The following RBAK variants were observed in gnomAD, a reference collection of about 807,000 sequenced individuals.
RBAK encodes the protein RB-associated KRAB zinc finger protein.
In RBAK, 39 loss-of-function variants were observed where a neutral mutation model predicts 65.8. The ratio of observed to expected loss-of-function variants is 0.59; its 90% confidence interval spans 0.46 to 0.77. The LOEUF (loss-of-function observed/expected upper bound fraction) is 0.77. RBAK is among the 30% of genes least tolerant of loss of function. The probability of loss-of-function intolerance (pLI) is 0.00; values close to 1 mark genes in which losing one functional copy is unlikely to be tolerated. For synonymous variants in RBAK, 343 were observed against 289.7 expected, an observed-to-expected ratio of 1.18 and a Z score of -1.87; for missense variants, 884 against 855.1, an observed-to-expected ratio of 1.03 and a Z score of -0.42.
In RBAK at chr7:5,065,635, T is replaced by C. The variant is rs1309806277; in HGVS notation, c.*34T>C. The C allele has an allele frequency of 7.1e-7, 1 of 1,405,742 alleles. No homozygotes were observed. The highest frequency in any genetic ancestry group is 9.6e-7 in the Non-Finnish European group (1 of 1,046,224). 87.1% of individuals were successfully genotyped at this position (1,405,742 alleles called of 1,614,324 possible). ...CTCAATTTTTAGAAAACTCTCTGAA[T>C]ATAATGAATATGGGGAATCCAATAG... is the stretch of plus-strand genomic sequence containing the variant. On this transcript the variant is annotated 3_prime_UTR_variant, in exon 5 of 5. Coordinates refer to ENST00000396912, the MANE Select transcript of RBAK (RefSeq NM_021163.4). This position sits in a 1 kb window ranked among gnomAD's most constrained non-coding sequence, Gnocchi z 5.3.
Position 5,068,692 on chromosome 7 carries a change from C to A in RBAK, c.*3091C>A, listed in dbSNP as rs546132884. 1.3e-5 allele frequency: 2 copies of A among 152,244 alleles called. No homozygotes were observed. The highest frequency in any genetic ancestry group is 3.9e-4 in the East Asian group (2 of 5,182). 9.4% of individuals were successfully genotyped at this position (152,244 alleles called of 1,614,324 possible). ...CATATGTATACTGTTTTACCCAAAC[C>A]CAGCAAAAATGCATGTGTCTGTCCA... On this transcript the variant is annotated 3_prime_UTR_variant, in exon 5 of 5. Transcript: ENST00000396912.
rs1310497851 is a variant in RBAK at position 5,046,334 on chromosome 7, C to A, written c.-107C>A. On this transcript the variant is annotated 5_prime_UTR_variant, in exon 1 of 5. Coordinates refer to ENST00000396912, the MANE Select transcript of RBAK (RefSeq NM_021163.4). ...GACCTCGCGAGCAGACGCGCGCCAG[C>A]GACAGCAGCCCCGCCCCGGCCTCTC... 1.2e-5 allele frequency: 6 copies of A among 515,268 alleles called. No individual in the cohort carries two copies. The highest frequency in any genetic ancestry group is 1.9e-5 in the Non-Finnish European group (5 of 259,196). 31.9% of individuals were successfully genotyped at this position (515,268 alleles called of 1,614,324 possible). A position where few individuals can be genotyped will look rare whatever the true frequency, so the allele number is the denominator to read the frequency against.
intron 3 of RBAK, 39 bp downstream of exon 3, chr7:5,057,460 G>A (rs1778956921): frequency 6.2e-7 from 1 of 1,613,898 alleles, no homozygotes; most frequent in South Asian, 1.1e-5. Context: ...TCAGTTGAAT[G>A]GGGTTTTATC....
intron 2 of RBAK, among the ~76,000 whole-genome samples, chr7:5,055,341 T>C (rs1788205452): frequency 6.6e-6 from 1 of 152,100 alleles, no homozygotes; most frequent in Non-Finnish European, 1.5e-5. Context: ...GAAATACATA[T>C]GTCACATATA....
At position 5,048,258 on chromosome 7, in the gene RBAK, C is replaced by T. The variant is rs1788039236; in HGVS notation, c.15+167C>T. Among the ~76,000 whole-genome samples the T allele has an allele frequency of 6.6e-6, 1 of 151,946 alleles. No homozygotes were observed. The highest frequency in any genetic ancestry group is 1.5e-5 in the Non-Finnish European group (1 of 67,988). ...CATGATCTCGCTTCACTGCAACCTCCACCTCCTGGGTTCAAGCGATTCTCC... is the reference window on the plus strand; with the variant it reads ...CATGATCTCGCTTCACTGCAACCTCTACCTCCTGGGTTCAAGCGATTCTCC... On this transcript the variant is annotated intron_variant, in intron 2 of 4. Transcript: ENST00000396912. The surrounding 1 kb of genome is among the most constrained non-coding windows in gnomAD (Gnocchi z 4.4).
intron 2 of RBAK, among the ~76,000 whole-genome samples, chr7:5,052,351 G>A (rs1788134335): frequency 6.6e-6 from 1 of 152,154 alleles, no homozygotes; most frequent in African/African-American, 2.4e-5. Context: ...TACATGTAAT[G>A]TAATTATTGA....
intron 4 of RBAK, among the ~76,000 whole-genome samples, chr7:5,058,918 C>G (rs1330289928): frequency 1.3e-5 from 2 of 152,174 alleles, no homozygotes; most frequent in South Asian, 2.1e-4. Context: ...CAAATTGATA[C>G]GTCTGACACT....
rs765413482 is a variant in RBAK at position 5,064,824 on chromosome 7, C to G, written c.1368C>G (p.Pro456=). The G allele has an allele frequency of 6.2e-7, 1 of 1,614,038 alleles. No homozygotes were observed. The highest frequency in any genetic ancestry group is 8.5e-7 in the Non-Finnish European group (1 of 1,179,944). Residue 456 remains proline, a synonymous_variant, in exon 5 of 5, where the codon CCC becomes CCG. Coordinates refer to ENST00000396912, the MANE Select transcript of RBAK (RefSeq NM_021163.4). The surrounding 1 kb of genome is among the most constrained non-coding windows in gnomAD (Gnocchi z 6.3). ...ATAGAAGTCATTTAGAAGAGAAACC[C>G]TATGAATGTAATGAATGTGGCAAAA... ...IHYRSHLEEK[P]YECNECGKTF... is the part of the protein sequence containing the mutation.
chr7:5,059,043 C>G (rs1045693557), intron 4 of RBAK, among the ~76,000 whole-genome samples: 1 of 152,224 alleles, frequency 6.6e-6, no homozygotes, highest in African/African-American at 2.4e-5. Context: ...ATTCCAAAAT[C>G]ATGAATTCTG....
chr7:5,062,579 T>G (rs1779103431), intron 4 of RBAK, among the ~76,000 whole-genome samples: 1 of 152,198 alleles, frequency 6.6e-6, no homozygotes, highest in African/African-American at 2.4e-5. Context: ...CCATTGTCAT[T>G]GATAACATCT....
intron 2 of RBAK, among the ~76,000 whole-genome samples, chr7:5,056,305 A>G (rs1174733689): frequency 6.6e-6 from 1 of 151,084 alleles, no homozygotes; most frequent in Non-Finnish European, 1.5e-5. Context: ...TTTAGCAGAG[A>G]TGAGGTCTTA....
intron 2 of RBAK, among the ~76,000 whole-genome samples, chr7:5,054,928 A>G (rs1788192236): frequency 6.6e-6 from 1 of 151,996 alleles, no homozygotes; most frequent in Non-Finnish European, 1.5e-5. Flanking sequence ...GACCTTAATA[A>G]TACAACTAAT....
rs61735209 is a variant in RBAK, at chr7:5,065,484, G to T, written c.2028G>T (p.Glu676Asp). Reference sequence around the variant, plus strand: ...TACACTATAGAACTCATTCAGGAGAGAAACCCTATGAATGTAACGAGTGTG... The same window carrying T: ...TACACTATAGAACTCATTCAGGAGATAAACCCTATGAATGTAACGAGTGTG... ...LTVHYRTHSG[E>D]KPYECNECGK... Residue 676 changes from glutamate to aspartate, a missense_variant, in exon 5 of 5, where the codon GAG becomes GAT. By Grantham distance (45) the Glu-to-Asp change is conservative (BLOSUM62 2). Coordinates refer to ENST00000396912, the MANE Select transcript of RBAK (RefSeq NM_021163.4). The surrounding 1 kb of genome is among the most constrained non-coding windows in gnomAD (Gnocchi z 5.3). The T allele has an allele frequency of 1.9e-6, 3 of 1,606,536 alleles. No individual in the cohort carries two copies. The South Asian group carries it at 3.3e-5, about 18-fold the overall frequency.
Position 5,064,727 on chromosome 7 carries a change from C to T in RBAK, c.1271C>T (p.Thr424Met), listed in dbSNP as rs549250763. 8.7e-6 allele frequency: 14 copies of T among 1,613,230 alleles called. No individual in the cohort carries two copies. Among genetic ancestry groups the T allele is most frequent in the African/African-American group, 5.3e-5 (4 of 75,022 alleles). Reference protein sequence around the residue: ...STLITHQRTHTGEKPYQCSEC... With the variant: ...STLITHQRTHMGEKPYQCSEC... ...CTGATTACACATCAGAGAACACACA[C>T]GGGAGAGAAGCCCTATCAGTGTAGC... Residue 424 changes from threonine to methionine, a missense_variant, in exon 5 of 5, where the codon ACG becomes ATG. Transcript: ENST00000396912. This position sits in a 1 kb window ranked among gnomAD's most constrained non-coding sequence, Gnocchi z 6.3.
intron 2 of RBAK, among the ~76,000 whole-genome samples, chr7:5,054,026 C>T (rs967228704): frequency 2.0e-5 from 3 of 152,312 alleles, no homozygotes; most frequent in Middle Eastern, 3.4e-3. Flanking sequence ...GGCCTGGAAA[C>T]ACTCAAGGCA....
At chr7:5,063,252 C>A (rs1316771884) in intron 4 of RBAK, among the ~76,000 whole-genome samples, 1 of 152,214 alleles carries the variant, frequency 6.6e-6, no homozygotes, top group Non-Finnish European at 1.5e-5. Context: ...TTCAGCCAGT[C>A]CCTCCGTTTG....
At chr7:5,063,479 G>A (rs1249399736) in intron 4 of RBAK, among the ~76,000 whole-genome samples, 7 of 87,668 alleles carry the variant, frequency 8.0e-5, no homozygotes, top group East Asian at 2.3e-4. Context: ...TTCTTTCACT[G>A]TGTGTGTGTG....
intron 4 of RBAK, among the ~76,000 whole-genome samples, chr7:5,060,494 C>T (rs1378730939): frequency 6.6e-6 from 1 of 152,166 alleles, no homozygotes; most frequent in Non-Finnish European, 1.5e-5. Flanking sequence ...ATTTATACTC[C>T]AATGCACATT....
At chr7:5,051,713 T>TTA (rs1357832545) in intron 2 of RBAK, among the ~76,000 whole-genome samples, 3 of 152,186 alleles carry the variant, frequency 2.0e-5, no homozygotes, top group Admixed American at 1.3e-4. Flanking sequence ...ATAGAAGTCT[T>TTA]TAAATTTAGG....
Sources: gnomAD v4.1 joint callset for allele counts (sites outside exome capture counted in the v4.1 genomes callset) on GRCh38, gnomAD v4.1.1 for gene constraint, Gnocchi (gnomAD v3.1) non-coding constraint, MANE v1.5 for transcripts, NCBI Gene and HGNC (gene_info 2026-07-23, HGNC 2026-07-21) for gene names.